The following MIB2 variants were observed in gnomAD, a reference collection of about 807,000 sequenced individuals.
MIB2 encodes E3 ubiquitin-protein ligase MIB2.
Under a neutral mutation model 96.6 loss-of-function variants are expected in MIB2, and 78 were observed. That is an observed-to-expected ratio of 0.81 (90% confidence interval 0.67 to 0.97). The LOEUF is 0.97. Ranked by LOEUF, MIB2 falls within the 50% of genes least tolerant of loss-of-function variation. MIB2 has a pLI of 0.00. For synonymous variants in MIB2, 820 were observed against 629.5 expected, an observed-to-expected ratio of 1.30 and a Z score of -4.53; for missense variants, 1,543 against 1,424.0, an observed-to-expected ratio of 1.08 and a Z score of -1.35.
In MIB2 at chr1:1,623,700, G is replaced by C; in HGVS notation, c.247+1G>C. ...CTGCTGTACGACAACGCCCAGATCG[G>C]TGCGCGCCAAGGGCAGGCGGGACGG... On this transcript the variant is annotated splice_donor_variant, in intron 3 of 19. Coordinates refer to ENST00000355826, the MANE Select transcript of MIB2 (RefSeq NM_001170687.4). LOFTEE classifies it high-confidence loss of function. The C allele has an allele frequency of 3.9e-6, 6 of 1,519,868 alleles. No homozygotes were observed. The highest frequency in any genetic ancestry group is 5.3e-6 in the Non-Finnish European group (6 of 1,131,956). The allele number at this position is 1,519,868 out of a possible 1,614,324, so 94.1% of individuals were successfully genotyped here. A position where few individuals can be genotyped will look rare whatever the true frequency, so the allele number is the denominator to read the frequency against.
rs1638260029 is a variant in MIB2, at chr1:1,629,406, C to A, written c.2403C>A (p.Gly801=). The part of the protein sequence containing the change: ...QRFRERQAGG[G]AAPGPRQTLG... The stretch of plus-strand genomic sequence containing the variant: ...GCAGGGAGCGGCAGGCGGGCGGGGG[C>A]GCGGCCCCGGGCCCCAGGCAAACGC... Residue 801 remains glycine (G), a synonymous_variant, in exon 18 of 20, where the codon GGC becomes GGA. Coordinates refer to ENST00000355826, the MANE Select transcript of MIB2 (RefSeq NM_001170687.4). 1.4e-6 allele frequency: 2 copies of A among 1,449,976 alleles called. No homozygotes were observed. Among genetic ancestry groups the A allele is most frequent in the African/African-American group, 3.0e-5 (2 of 67,050 alleles). The allele number at this position is 1,449,976 out of a possible 1,614,324, so 89.8% of individuals were successfully genotyped here. A position where few individuals can be genotyped will look rare whatever the true frequency, so the allele number is the denominator to read the frequency against.
At chr1:1,614,212 A>C (rs1264765390), upstream of MIB2, 2 of 152,258 alleles carry the variant, frequency 1.3e-5, no homozygotes, top group Non-Finnish European at 2.9e-5. Context: ...ACCAATCCCT[A>C]AACAAATGGA....
chr1:1,621,268 C>A (rs969737728), intron 2 of MIB2, among the ~76,000 whole-genome samples: 3 of 152,162 alleles, frequency 2.0e-5, no homozygotes, highest in African/African-American at 7.2e-5. Flanking sequence ...CCTGGCTCCG[C>A]GGGGCCTCCG....
intron 2 of MIB2, chr1:1,617,615 T>C (rs1465546904): frequency 1.3e-5 from 2 of 152,216 alleles, no homozygotes; most frequent in South Asian, 2.1e-4. Flanking sequence ...CCAGTGGCTT[T>C]AGCTTCCAAC....
chr1:1,625,698 C>T lies in MIB2; in HGVS notation c.972+45C>T, dbSNP rs567757904. 5 of 1,489,512 alleles carry T rather than the reference C, an allele frequency of 3.4e-6. No individual in the cohort carries two copies. Among genetic ancestry groups the T allele is most frequent in the Admixed American group, 4.0e-5 (2 of 50,606 alleles). The allele number at this position is 1,489,512 out of a possible 1,614,324, so 92.3% of individuals were successfully genotyped here. On this transcript the variant is annotated intron_variant, in intron 8 of 19. Transcript: ENST00000355826. This position sits in a 1 kb window ranked among gnomAD's most constrained non-coding sequence, Gnocchi z 5.0. ...GCGCCTCATCTGCTTGCTTCTGTAA[C>T]CCCTTCCACGTACCCCCTTGGCCTT...
intron 4 of MIB2, among the ~76,000 whole-genome samples, chr1:1,624,379 G>A (rs1476976629): frequency 6.6e-6 from 1 of 152,172 alleles, no homozygotes; most frequent in African/African-American, 2.4e-5. Flanking sequence ...TGGTTGTCTT[G>A]GGAGTGCTGT....
In MIB2 at chr1:1,629,381, G is replaced by C. The variant is rs547849145; in HGVS notation, c.2382-4G>C. 2 of 1,442,082 alleles carry C rather than the reference G, an allele frequency of 1.4e-6. No individual in the cohort carries two copies. 89.3% of individuals were successfully genotyped at this position (1,442,082 alleles called of 1,614,324 possible). On this transcript the variant is annotated splice_polypyrimidine_tract_variant and splice_region_variant and intron_variant, in intron 17 of 19. Coordinates refer to ENST00000355826, the MANE Select transcript of MIB2 (RefSeq NM_001170687.4). ...CCCTCTCAAGCCGCCTCCTCCCCCT[G>C]CAGGGAGCGGCAGGCGGGCGGGGGC...
Position 1,629,154 on chromosome 1 carries a change from G to A in MIB2, c.2224G>A (p.Gly742Ser), listed in dbSNP as rs777425183. ...CCAGCTACAGGCCTCGGGCCTCCCC[G>A]GCAGCGCGGAGCTGACGGTGGGCGC... ...LSRLQASGLP[G>S]SAELTVGAAV... Residue 742 changes from glycine to serine, a missense_variant, in exon 17 of 20, where the codon GGC becomes AGC. By Grantham distance (56) the Gly-to-Ser change is moderately conservative (BLOSUM62 0). Coordinates refer to ENST00000355826, the MANE Select transcript of MIB2 (RefSeq NM_001170687.4). 188 of 1,499,220 alleles carry A rather than the reference G, an allele frequency of 1.3e-4. No individual in the cohort carries two copies. The highest frequency in any genetic ancestry group is 1.6e-4 in the Non-Finnish European group (176 of 1,132,716). The allele number at this position is 1,499,220 out of a possible 1,614,324, so 92.9% of individuals were successfully genotyped here.
In MIB2 at chr1:1,627,658, T is replaced by C. The variant is rs772189279; in HGVS notation, c.1524-15T>C. ...GGGCCCGGCGCCCTCCCTCTCCCAC[T>C]TCCTCTCCTGTCAGGAACCAGCCCG... On this transcript the variant is annotated splice_polypyrimidine_tract_variant and intron_variant, in intron 12 of 19. Transcript: ENST00000355826. 6.3e-7 allele frequency: 1 copy of C among 1,588,718 alleles called. No homozygotes were observed. Among genetic ancestry groups the C allele is most frequent in the Non-Finnish European group, 8.5e-7 (1 of 1,175,776 alleles).
rs1643961300 is a variant in MIB2, at chr1:1,618,619, A to AC, written c.-23+2007dup. 2.0e-5 allele frequency: 3 copies of AC among 152,206 alleles called. No individual in the cohort carries two copies. In the South Asian group the frequency reaches 6.2e-4, roughly 31 times the overall value. The allele number at this position is 152,206 out of a possible 1,614,324, so 9.4% of individuals were successfully genotyped here. On this transcript the variant is annotated intron_variant, in intron 2 of 19. Transcript: ENST00000355826. ...CAGCTTGACCCAGACCCAGCCCAGA[A>AC]CCTGTCCCATGGCCCCAGGAGGACA...
intron 13 of MIB2, 39 bp downstream of exon 13, chr1:1,627,868 G>T: frequency 6.3e-7 from 1 of 1,595,948 alleles, no homozygotes. Flanking sequence ...CCCTGCCCGT[G>T]AGTGCTTGTC....
chr1:1,614,923 G>A (rs1174385359), upstream of MIB2: 1 of 153,136 alleles, frequency 6.5e-6, no homozygotes, highest in Non-Finnish European at 1.5e-5. Flanking sequence ...GCTGAAGCAA[G>A]AGAATAGTTT....
chr1:1,620,340 C>T (rs984950700), intron 2 of MIB2, among the ~76,000 whole-genome samples: 3 of 152,108 alleles, frequency 2.0e-5, no homozygotes, highest in Non-Finnish European at 4.4e-5. Flanking sequence ...TCTCCATTGC[C>T]GGGCCCATCT....
rs1638660567 is a variant in MIB2 at position 1,630,312 on chromosome 1, G to A, written c.2650G>A (p.Ala884Thr). The A allele has an allele frequency of 6.6e-7, 1 of 1,518,876 alleles. No individual in the cohort carries two copies. Among genetic ancestry groups the A allele is most frequent in the East Asian group, 2.6e-5 (1 of 38,902 alleles). The allele number at this position is 1,518,876 out of a possible 1,614,324, so 94.1% of individuals were successfully genotyped here. A position where few individuals can be genotyped will look rare whatever the true frequency, so the allele number is the denominator to read the frequency against. ...CGCAGACGGCTCTGAGGTGGCGAGC[G>A]CCGCCCCCGCCCCCGGCCCGCCGCG... ...LRPDGSEVAS[A>T]APAPGPPRQL... Residue 884 changes from alanine (A) to threonine (T), a missense_variant, in exon 20 of 20, where the codon GCC (alanine) becomes ACC (threonine). Transcript: ENST00000355826.
At position 1,615,591 on chromosome 1, in the gene MIB2, T is replaced by C. The variant is rs777740337; in HGVS notation, c.-172T>C. On this transcript the variant is annotated 5_prime_UTR_variant, in exon 1 of 20. Transcript: ENST00000355826. ...GAGCCCGAAGCCGTCCCCGAGTCGC[T>C]CCTAGGTCACTGGCGCGATGCGGGC... 21 of 1,560,090 alleles carry C rather than the reference T, an allele frequency of 1.3e-5. No individual in the cohort carries two copies. Among genetic ancestry groups the C allele is most frequent in the Admixed American group, 1.8e-5 (1 of 54,868 alleles).
In MIB2 at chr1:1,627,057, C is replaced by G. The variant is rs28510084; in HGVS notation, c.1241-17C>G. Reference sequence around the variant, plus strand: ...GGGGCTGCCCCTGGCCACCACTAACCTCAGCCCTGCCCCCAGGCTCACTGA... The same window carrying G: ...GGGGCTGCCCCTGGCCACCACTAACGTCAGCCCTGCCCCCAGGCTCACTGA... On this transcript the variant is annotated splice_polypyrimidine_tract_variant and intron_variant, in intron 10 of 19. Transcript: ENST00000355826. The G allele has an allele frequency of 0.26, 417,264 of 1,599,678 alleles. 63,314 individuals are homozygous for G. Among genetic ancestry groups the G allele is most frequent in the African/African-American group, 0.62 (46,621 of 74,756 alleles).
upstream of MIB2, chr1:1,615,416 C>G (rs924388727): frequency 6.8e-7 from 1 of 1,475,240 alleles, no homozygotes; most frequent in Non-Finnish European, 8.9e-7. Context: ...GCGTGACGCA[C>G]TTCCGGTGCT....
At chr1:1,623,169 G>C (rs1033565665) in intron 2 of MIB2, 7 of 541,788 alleles carry the variant, frequency 1.3e-5, no homozygotes, top group Admixed American at 1.1e-4. Context: ...CCCGGGGCCA[G>C]GCTCCCTGAT....
chr1:1,615,680 C>G (rs1437265256), intron 1 of MIB2, 47 bp downstream of exon 1: 1 of 1,534,006 alleles, frequency 6.5e-7, no homozygotes, highest in Non-Finnish European at 8.7e-7. Context: ...GCACCGTCCC[C>G]GAGTCGTTCT....
Sources: allele counts gnomAD v4.1 joint callset (sites outside exome capture counted in the v4.1 genomes callset), GRCh38; gene constraint gnomAD v4.1.1; non-coding constraint Gnocchi (gnomAD v3.1); transcripts MANE v1.5; gene names NCBI Gene and HGNC (gene_info 2026-07-23, HGNC 2026-07-21).